The following ARHGAP17 variants were observed in gnomAD, a reference collection of about 807,000 sequenced individuals.
The protein encoded by ARHGAP17 is rho GTPase-activating protein 17.
A neutral mutation model predicts 99.5 loss-of-function variants in ARHGAP17; 57 were observed. The observed-to-expected ratio is 0.57, with a 90% CI of 0.46 to 0.71. The LOEUF (loss-of-function observed/expected upper bound fraction) is 0.71. Ranked by LOEUF, ARHGAP17 falls within the 30% of genes least tolerant of loss-of-function variation. ARHGAP17 has a pLI of 0.00. For synonymous variants in ARHGAP17, 417 were observed against 429.6 expected (o/e 0.97, Z 0.36); for missense variants, 1,000 against 1,122.4 (o/e 0.89, Z 1.56).
chr16:24,949,284 G>C lies in ARHGAP17; in HGVS notation c.1127+120C>G, dbSNP rs780219970. The C allele has an allele frequency of 8.6e-6, 6 of 700,566 alleles. No individual in the cohort carries two copies. In the Admixed American group the frequency reaches 1.6e-4, roughly 19 times the overall value. The allele number at this position is 700,566 out of a possible 1,614,324, so 43.4% of individuals were successfully genotyped here. On this transcript the variant is annotated intron_variant, in intron 13 of 19. Transcript: ENST00000289968. Reference sequence around the variant, plus strand: ...CCCAAGTTACTCTCCAAAGTGATGTGGTTTTTTTTGTTGTTGTTGTTGTTT... The same window carrying C: ...CCCAAGTTACTCTCCAAAGTGATGTCGTTTTTTTTGTTGTTGTTGTTGTTT...
Position 24,957,524 on chromosome 16 carries a change from G to C in ARHGAP17, c.724+2147C>G, listed in dbSNP as rs140361321. 1.0e-4 allele frequency: 16 copies of C among 152,392 alleles called. No individual in the cohort carries two copies. In the East Asian group the frequency reaches 2.5e-3, roughly 24 times the overall value. The allele number at this position is 152,392 out of a possible 1,614,324, so 9.4% of individuals were successfully genotyped here. A position where few individuals can be genotyped will look rare whatever the true frequency, so the allele number is the denominator to read the frequency against. On this transcript the variant is annotated intron_variant, in intron 9 of 19. Coordinates refer to ENST00000289968, the MANE Select transcript of ARHGAP17 (RefSeq NM_001006634.3). ...TTTTAAAAAGAAATGGAGCAATGCA[G>C]AGTCCTTACAATGAAAGAAGACAGT...
chr16:25,007,119 G>A (rs1171497188), intron 1 of ARHGAP17, among the ~76,000 whole-genome samples: 2 of 152,154 alleles, frequency 1.3e-5, no homozygotes, highest in African/African-American at 4.8e-5. Context: ...TCCTATTTTT[G>A]AAGTGGGGCT....
chr16:24,933,232 C>T (rs1285792152), intron 18 of ARHGAP17, among the ~76,000 whole-genome samples: 2 of 149,500 alleles, frequency 1.3e-5, no homozygotes, highest in Non-Finnish European at 3.0e-5. Context: ...GTCTCGGTGG[C>T]TCATGCCTGT....
chr16:24,958,757 C>G (rs191350541), intron 9 of ARHGAP17, among the ~76,000 whole-genome samples: 5 of 152,160 alleles, frequency 3.3e-5, no homozygotes, highest in African/African-American at 9.7e-5. Flanking sequence ...GCATCCCCCC[C>G]ACAACACACA....
At chr16:24,949,255 T>G in intron 13 of ARHGAP17, 149 bp downstream of exon 13, 1 of 550,854 alleles carries the variant, frequency 1.8e-6, no homozygotes. Context: ...CCATTCCCAG[T>G]AGCCCCAAGT....
At chr16:24,940,892 T>C (rs1452401674) in intron 16 of ARHGAP17, among the ~76,000 whole-genome samples, 1 of 152,210 alleles carries the variant, frequency 6.6e-6, no homozygotes, top group African/African-American at 2.4e-5. Flanking sequence ...CTGGGTCAGC[T>C]GGCAGGGAGA....
chr16:24,987,063 C>T (rs1395899810), intron 1 of ARHGAP17, among the ~76,000 whole-genome samples: 1 of 152,222 alleles, frequency 6.6e-6, no homozygotes, highest in Non-Finnish European at 1.5e-5. Context: ...TATTTCGGGA[C>T]AAGACCTAAA....
chr16:24,947,378 CTTGAA>C, intron 14 of ARHGAP17, 99 bp downstream of exon 14: 2 of 1,056,992 alleles, frequency 1.9e-6, no homozygotes, highest in East Asian at 2.6e-5. Context: ...TTCAGAATAC[CTTGAA>C]TTGATCTTAA....
intron 1 of ARHGAP17, among the ~76,000 whole-genome samples, chr16:24,981,834 T>C (rs896504513): frequency 4.6e-5 from 7 of 152,088 alleles, no homozygotes; most frequent in Admixed American, 3.3e-4. Flanking sequence ...GCTCTACAAA[T>C]GCACAACAGA....
At chr16:24,948,970 T>C (rs1340531855) in intron 13 of ARHGAP17, 1 of 152,922 alleles carries the variant, frequency 6.5e-6, no homozygotes, top group Non-Finnish European at 1.5e-5. Context: ...CAAAGCAATA[T>C]ATAATCTCCA....
At chr16:24,994,000 A>T (rs16974278) in intron 1 of ARHGAP17, among the ~76,000 whole-genome samples, 7,625 of 152,296 alleles carry the variant, frequency 0.05, 531 homozygotes, top group African/African-American at 0.16. Flanking sequence ...TGCACGGTTT[A>T]AACAGGCATC....
At chr16:24,958,130 C>T (rs1411332162) in intron 9 of ARHGAP17, among the ~76,000 whole-genome samples, 2 of 152,132 alleles carry the variant, frequency 1.3e-5, no homozygotes, top group Non-Finnish European at 2.9e-5. Context: ...CCCATCCCCG[C>T]TCTCCATGGC....
At chr16:24,942,532 C>T (rs1285108285) in intron 15 of ARHGAP17, among the ~76,000 whole-genome samples, 1 of 152,010 alleles carries the variant, frequency 6.6e-6, no homozygotes, top group Admixed American at 6.6e-5. Context: ...TTTGGGAGGC[C>T]AAGGCAGGCG....
rs144724313 is a variant in ARHGAP17 at position 24,974,323 on chromosome 16, C to T, written c.198+2892G>A. Among the ~76,000 whole-genome samples, 616 of 152,124 alleles carry T rather than the reference C, an allele frequency of 4.0e-3. 5 individuals carry two copies. The highest frequency in any genetic ancestry group is 0.012 in the African/African-American group (504 of 41,484). On this transcript the variant is annotated intron_variant, in intron 3 of 19. Coordinates refer to ENST00000289968, the MANE Select transcript of ARHGAP17 (RefSeq NM_001006634.3). Reference sequence around the variant, plus strand: ...GCGTGCACCTGTAGTCCCAGCTACTCGGGAGGCTGAGGTGGGAGAATCGTT... The same window carrying T: ...GCGTGCACCTGTAGTCCCAGCTACTTGGGAGGCTGAGGTGGGAGAATCGTT...
chr16:24,977,849 G>A (rs573145916), intron 2 of ARHGAP17, among the ~76,000 whole-genome samples: 8 of 152,212 alleles, frequency 5.3e-5, no homozygotes, highest in East Asian at 1.9e-4. Flanking sequence ...AAAGAGAGCC[G>A]CTTTTTACAG....
chr16:25,011,698 CA>C (rs11299719), intron 1 of ARHGAP17, among the ~76,000 whole-genome samples: 59,273 of 122,656 alleles, frequency 0.48, 12,135 homozygotes, highest in East Asian at 0.57. Context: ...GACTCCGTCT[CA>C]AAAAAAAAAA....
intron 19 of ARHGAP17, among the ~76,000 whole-genome samples, chr16:24,921,476 G>A (rs534300003): frequency 6.6e-6 from 1 of 152,292 alleles, no homozygotes; most frequent in Admixed American, 6.5e-5. Context: ...CATCCTGTCT[G>A]TCCTTGACGG....
chr16:24,930,552 A>AC, intron 19 of ARHGAP17: 1 of 797,210 alleles, frequency 1.3e-6, no homozygotes, highest in Non-Finnish European at 2.2e-6. Context: ...GGTCACGACT[A>AC]CCCAGCTCTG....
At chr16:24,982,985 T>TACAC (rs1555467494) in intron 1 of ARHGAP17, among the ~76,000 whole-genome samples, 40 of 29,700 alleles carry the variant, frequency 1.3e-3, no homozygotes, top group Middle Eastern at 0.023. Flanking sequence ...TATATATATA[T>TACAC]ATATATATAT....
Sources: allele counts gnomAD v4.1 joint callset (sites outside exome capture counted in the v4.1 genomes callset), GRCh38; gene constraint gnomAD v4.1.1; transcripts MANE v1.5; gene names NCBI Gene and HGNC (gene_info 2026-07-23, HGNC 2026-07-21).